PTCHD4: variants seen among roughly 807,000 people sequenced by gnomAD.
The protein encoded by PTCHD4 is patched domain-containing protein 4.
PTCHD4 carries 33 observed loss-of-function variants against 58.1 expected under a neutral mutation model. The observed-to-expected ratio is 0.57, with a 90% CI of 0.43 to 0.76. The LOEUF is 0.76. PTCHD4 is among the 30% of genes least tolerant of loss of function. PTCHD4 has a pLI of 0.00. For missense variants in PTCHD4, 1,058 were observed against 1,027.1 expected (o/e 1.03, Z -0.41); for synonymous variants, 478 against 409.6 (o/e 1.17, Z -2.02).
intron 3 of PTCHD4, among the ~76,000 whole-genome samples, chr6:48,040,175 G>T (rs966617470): frequency 1.3e-5 from 2 of 152,036 alleles, no homozygotes; most frequent in African/African-American, 4.8e-5. Flanking sequence ...TACTACTAAG[G>T]CCATGCCACA....
At chr6:47,957,205 T>C (rs1273432351) in intron 4 of PTCHD4, among the ~76,000 whole-genome samples, 1 of 149,140 alleles carries the variant, frequency 6.7e-6, no homozygotes, top group Non-Finnish European at 1.5e-5. Flanking sequence ...ATATTAAATA[T>C]TTTTTAAACA....
chr6:47,886,655 T>C (rs1425540787), intron 4 of PTCHD4, among the ~76,000 whole-genome samples: 1 of 152,016 alleles, frequency 6.6e-6, no homozygotes, highest in Non-Finnish European at 1.5e-5. Context: ...ATAAAAAAAA[T>C]AAAACCACAA....
intron 3 of PTCHD4, among the ~76,000 whole-genome samples, chr6:48,020,324 C>G (rs1441339932): frequency 6.6e-6 from 1 of 151,998 alleles, no homozygotes; most frequent in African/African-American, 2.4e-5. Context: ...AAATTTTTCC[C>G]ATACCTGGGC....
chr6:47,898,308 C>T (rs1166244150), intron 4 of PTCHD4, among the ~76,000 whole-genome samples: 1 of 152,114 alleles, frequency 6.6e-6, no homozygotes, highest in Non-Finnish European at 1.5e-5. Context: ...TATCATAATC[C>T]TGTCTCTAAA....
intron 4 of PTCHD4, among the ~76,000 whole-genome samples, chr6:47,881,490 T>C (rs1764019747): frequency 6.6e-6 from 1 of 152,160 alleles, no homozygotes; most frequent in African/African-American, 2.4e-5. Context: ...ATGAAGCCAC[T>C]GGGATGAGAT....
At chr6:47,988,045 G>A (rs1249298177) in intron 4 of PTCHD4, among the ~76,000 whole-genome samples, 1 of 152,086 alleles carries the variant, frequency 6.6e-6, no homozygotes, top group African/African-American at 2.4e-5. Flanking sequence ...CCAAGGTGTT[G>A]GGTTTACAGG....
chr6:48,091,002 T>C (rs1325399461), intron 1 of PTCHD4, among the ~76,000 whole-genome samples: 1 of 152,158 alleles, frequency 6.6e-6, no homozygotes, highest in Non-Finnish European at 1.5e-5. Flanking sequence ...TATTTGAAAA[T>C]TTTATTTGAA....
At chr6:48,074,075 T>C (rs1488210055) in intron 1 of PTCHD4, among the ~76,000 whole-genome samples, 1 of 152,102 alleles carries the variant, frequency 6.6e-6, no homozygotes, top group Non-Finnish European at 1.5e-5. Context: ...AGATGCTCTT[T>C]GACCTTCTTC....
chr6:48,057,228 C>T (rs1764443360), intron 3 of PTCHD4, among the ~76,000 whole-genome samples: 1 of 149,364 alleles, frequency 6.7e-6, no homozygotes, highest in Non-Finnish European at 1.5e-5. Flanking sequence ...AAAGCTGTTG[C>T]TTGTGCCTCG....
chr6:47,908,579 G>T (rs1002080344), intron 4 of PTCHD4, among the ~76,000 whole-genome samples: 11 of 152,132 alleles, frequency 7.2e-5, no homozygotes, highest in Non-Finnish European at 1.6e-4. Context: ...GAGTCTGTGA[G>T]CTAAGTCAGT....
rs572564398 is a variant in PTCHD4 at position 47,860,120 on chromosome 6, G to T, written c.*18183C>A. ...GAAGTATTCCCCTTTAATGCCAATA[G>T]TTCCCTATACCCAGATTCTCTTAAC... On this transcript the variant is annotated 3_prime_UTR_variant, in exon 5 of 5. Transcript: ENST00000339488. Among the ~76,000 whole-genome samples, 6 of 152,072 alleles carry T rather than the reference G, an allele frequency of 3.9e-5. No homozygotes were observed. Among genetic ancestry groups the T allele is most frequent in the African/African-American group, 9.6e-5 (4 of 41,536 alleles).
chr6:47,885,680 G>A (rs1581826244), intron 4 of PTCHD4, among the ~76,000 whole-genome samples: 1 of 152,178 alleles, frequency 6.6e-6, no homozygotes, highest in African/African-American at 2.4e-5. Flanking sequence ...GTTCTTCTCT[G>A]AGAAACAGCT....
chr6:47,860,867 A>G lies in PTCHD4; in HGVS notation c.*17436T>C, dbSNP rs574632918. On this transcript the variant is annotated 3_prime_UTR_variant, in exon 5 of 5. Coordinates refer to ENST00000339488, the MANE Select transcript of PTCHD4 (RefSeq NM_001384253.1). ...CATAAAAATTATTTATCCTGAGATA[A>G]ACTCTTTATGATTTTTAGACTTGAA... Among the ~76,000 whole-genome samples the G allele has an allele frequency of 9.9e-5, 15 of 152,140 alleles. No homozygotes were observed. The highest frequency in any genetic ancestry group is 3.6e-4 in the African/African-American group (15 of 41,558).
intron 3 of PTCHD4, among the ~76,000 whole-genome samples, chr6:48,055,432 G>A (rs1472537783): frequency 6.6e-6 from 1 of 152,174 alleles, no homozygotes; most frequent in Admixed American, 6.5e-5. Context: ...AGAGGAAGAT[G>A]AGTAAGATAA....
Position 47,868,267 on chromosome 6 carries a change from A to G in PTCHD4, c.*10036T>C, listed in dbSNP as rs1005688657. Among the ~76,000 whole-genome samples the G allele has an allele frequency of 2.6e-5, 4 of 151,380 alleles. No individual in the cohort carries two copies. Among genetic ancestry groups the G allele is most frequent in the African/African-American group, 9.7e-5 (4 of 41,346 alleles). ...CATTCTCCCTTATTTTACTATCAAG[A>G]TGTGTATAGCTCTAGGTTGTAGCAT... On this transcript the variant is annotated 3_prime_UTR_variant, in exon 5 of 5. Transcript: ENST00000339488.
intron 4 of PTCHD4, among the ~76,000 whole-genome samples, chr6:47,992,781 C>T (rs150621796): frequency 1.3e-5 from 2 of 152,102 alleles, no homozygotes; most frequent in South Asian, 2.1e-4. Context: ...AAATATGCTA[C>T]GTTACTTTTG....
rs964751423 is a variant in PTCHD4 at position 47,858,231 on chromosome 6, C to T, written c.*20072G>A. ...AACATACTTGATTTTATAGCAGGCA[C>T]CCCCAATTTTGGATTCAGGGGCAGA... On this transcript the variant is annotated 3_prime_UTR_variant, in exon 5 of 5. Coordinates refer to ENST00000339488, the MANE Select transcript of PTCHD4 (RefSeq NM_001384253.1). 1.3e-5 allele frequency among the ~76,000 whole-genome samples: 2 copies of T among 151,916 alleles called. No individual in the cohort carries two copies. The highest frequency in any genetic ancestry group is 4.8e-5 in the African/African-American group (2 of 41,412).
intron 3 of PTCHD4, among the ~76,000 whole-genome samples, chr6:48,033,310 T>C (rs575468677): frequency 2.6e-5 from 4 of 152,154 alleles, no homozygotes; most frequent in Admixed American, 6.6e-5. Flanking sequence ...AGAAGCCCTC[T>C]GGACCTCTGA....
At position 47,879,085 on chromosome 6, in the gene PTCHD4, G is replaced by C. The variant is rs142739489; in HGVS notation, c.1750C>G (p.His584Asp). The change falls in exon 5 of 5, where the codon CAT (histidine) becomes GAT (aspartate). Residue 584 changes from histidine (H) to aspartate (D), a missense_variant. Transcript: ENST00000339488. ...GAGAAGATGATATCATTTCGAAAAT[G>C]CTGGAATTCTGGCTTTTTTAAAAAT... ...SSFLKKPEFQ[H>D]FRNDIIFSKA... The C allele has an allele frequency of 4.3e-6, 7 of 1,613,094 alleles. No individual in the cohort carries two copies. Among genetic ancestry groups the C allele is most frequent in the Non-Finnish European group, 5.9e-6 (7 of 1,179,724 alleles).
Sources: gnomAD v4.1 joint callset for allele counts (sites outside exome capture counted in the v4.1 genomes callset) on GRCh38, gnomAD v4.1.1 for gene constraint, MANE v1.5 for transcripts, NCBI Gene and HGNC (gene_info 2026-07-23, HGNC 2026-07-21) for gene names.